L3MBTL4: variants seen among roughly 807,000 people sequenced by gnomAD.
L3MBTL4 encodes the protein lethal(3)malignant brain tumor-like protein 4.
L3MBTL4 carries 70 observed loss-of-function variants against 84.5 expected under a neutral mutation model. The observed-to-expected ratio is 0.83, with a 90% CI of 0.68 to 1.01. The LOEUF (loss-of-function observed/expected upper bound fraction) is 1.01. L3MBTL4 is among the 50% of genes least tolerant of loss of function. The pLI is 0.00. For missense variants in L3MBTL4, 715 were observed against 754.8 expected, an observed-to-expected ratio of 0.95 and a Z score of 0.62; for synonymous variants, 274 against 259.8, an observed-to-expected ratio of 1.05 and a Z score of -0.52.
At chr18:6,030,967 CAAAT>C (rs2055770090) in intron 16 of L3MBTL4, 32 of 984,814 alleles carry the variant, frequency 3.2e-5, no homozygotes, top group Non-Finnish European at 3.9e-5. Flanking sequence ...AACGAACAAA[CAAAT>C]TAATTCTACA....
At chr18:6,391,250 T>C (rs74861818) in intron 1 of L3MBTL4, among the ~76,000 whole-genome samples, 1,572 of 152,156 alleles carry the variant, frequency 0.01, 25 homozygotes, top group African/African-American at 0.035. Flanking sequence ...ATCATCTCAA[T>C]AGATACAGAA....
chr18:5,972,971 A>C (rs557034360), intron 16 of L3MBTL4, among the ~76,000 whole-genome samples: 3 of 144,772 alleles, frequency 2.1e-5, no homozygotes, highest in African/African-American at 5.2e-5. Context: ...ATAGAATAGA[A>C]TAGAACGGAG....
intron 16 of L3MBTL4, among the ~76,000 whole-genome samples, chr18:5,979,249 C>T (rs771749623): frequency 1.3e-5 from 2 of 152,140 alleles, no homozygotes; most frequent in African/African-American, 2.4e-5. Context: ...AGAGGGTCCA[C>T]AGGGGTCAAC....
intron 12 of L3MBTL4, among the ~76,000 whole-genome samples, chr18:6,176,556 T>C (rs1179154798): frequency 2.0e-5 from 3 of 152,060 alleles, no homozygotes; most frequent in African/African-American, 7.2e-5. Flanking sequence ...ACACAAGTAT[T>C]TGAAATGAAA....
At chr18:6,193,885 G>T (rs2045249435) in intron 12 of L3MBTL4, among the ~76,000 whole-genome samples, 1 of 152,170 alleles carries the variant, frequency 6.6e-6, no homozygotes, top group Admixed American at 6.5e-5. Flanking sequence ...TGAGCTATTT[G>T]ACCAAAAAGC....
chr18:6,062,715 C>T (rs534902973), intron 16 of L3MBTL4, among the ~76,000 whole-genome samples: 9 of 151,926 alleles, frequency 5.9e-5, no homozygotes, highest in East Asian at 1.9e-4. Context: ...GGAAGTTCTA[C>T]GGACACAGCT....
intron 3 of L3MBTL4, 115 bp downstream of exon 3, chr18:6,311,439 T>C (rs1343428397): frequency 2.6e-6 from 2 of 775,250 alleles, no homozygotes; most frequent in Admixed American, 2.0e-5. Context: ...AGAAGCCACA[T>C]CGTTTCAAGT....
At chr18:6,302,323 A>T (rs577000030) in intron 3 of L3MBTL4, among the ~76,000 whole-genome samples, 63 of 152,280 alleles carry the variant, frequency 4.1e-4, no homozygotes, top group African/African-American at 1.5e-3. Context: ...CCTCCATCCT[A>T]CTTTTGCTTT....
At chr18:6,168,257 T>A (rs2043780999) in intron 13 of L3MBTL4, among the ~76,000 whole-genome samples, 1 of 152,122 alleles carries the variant, frequency 6.6e-6, no homozygotes, top group Non-Finnish European at 1.5e-5. Context: ...CTGCCCAAGG[T>A]AATTTACAGA....
intron 4 of L3MBTL4, among the ~76,000 whole-genome samples, chr18:6,298,827 T>C (rs777450063): frequency 2.0e-5 from 3 of 152,068 alleles, no homozygotes; most frequent in Non-Finnish European, 2.9e-5. Flanking sequence ...TGAGCCAAGA[T>C]TGCGCCATTG....
At chr18:6,247,231 T>C (rs567903116) in intron 5 of L3MBTL4, among the ~76,000 whole-genome samples, 3 of 151,630 alleles carry the variant, frequency 2.0e-5, no homozygotes, top group South Asian at 2.1e-4. Flanking sequence ...TTAACATTTA[T>C]ACAATACTTT....
Position 6,111,714 on chromosome 18 carries a change from T to C in L3MBTL4, c.1200-18186A>G, listed in dbSNP as rs553823424. Among the ~76,000 whole-genome samples, 6 of 152,304 alleles carry C rather than the reference T, an allele frequency of 3.9e-5. No individual in the cohort carries two copies. In the South Asian group the frequency reaches 1.2e-3, roughly 32 times the overall value. On this transcript the variant is annotated intron_variant, in intron 14 of 18. Transcript: ENST00000317931. ...TTTATTTATTTATAATTGACAAAAT[T>C]ATATAGATGTATATACATATATATA...
intron 1 of L3MBTL4, among the ~76,000 whole-genome samples, chr18:6,318,794 T>G: frequency 6.6e-6 from 1 of 152,050 alleles, no homozygotes; most frequent in Non-Finnish European, 1.5e-5. Flanking sequence ...AACATATATT[T>G]ATAGAACACT....
intron 16 of L3MBTL4, among the ~76,000 whole-genome samples, chr18:6,034,393 C>T (rs939399219): frequency 3.3e-5 from 5 of 151,804 alleles, no homozygotes; most frequent in South Asian, 2.1e-4. Context: ...TAAGAATATG[C>T]GGTGTTTGGT....
At chr18:6,049,928 T>C (rs1436410580) in intron 16 of L3MBTL4, among the ~76,000 whole-genome samples, 1 of 152,234 alleles carries the variant, frequency 6.6e-6, no homozygotes, top group Non-Finnish European at 1.5e-5. Context: ...AATTTGTAAT[T>C]GCACAGAGCA....
At chr18:6,109,441 C>G (rs1040955168) in intron 14 of L3MBTL4, among the ~76,000 whole-genome samples, 1 of 152,100 alleles carries the variant, frequency 6.6e-6, no homozygotes, top group African/African-American at 2.4e-5. Context: ...GCACCAGTGA[C>G]AGCCCTGTGG....
chr18:5,988,231 A>C (rs2053546580), intron 16 of L3MBTL4, among the ~76,000 whole-genome samples: 1 of 152,246 alleles, frequency 6.6e-6, no homozygotes, highest in Non-Finnish European at 1.5e-5. Context: ...AGTCATTCTT[A>C]GATGAATACT....
chr18:6,108,589 T>G (rs1002469884), intron 14 of L3MBTL4, among the ~76,000 whole-genome samples: 1 of 152,080 alleles, frequency 6.6e-6, no homozygotes, highest in African/African-American at 2.4e-5. Flanking sequence ...AGTCACTGAC[T>G]AGGAGTCCAT....
chr18:6,072,042 GA>G (rs2057676316), intron 16 of L3MBTL4, among the ~76,000 whole-genome samples: 1 of 152,040 alleles, frequency 6.6e-6, no homozygotes, highest in Non-Finnish European at 1.5e-5. Flanking sequence ...TCAGACAAAG[GA>G]AACAAAGGTA....
Sources: gnomAD v4.1 joint callset for allele counts (sites outside exome capture counted in the v4.1 genomes callset) on GRCh38, gnomAD v4.1.1 for gene constraint, MANE v1.5 for transcripts, NCBI Gene and HGNC (gene_info 2026-07-23, HGNC 2026-07-21) for gene names.